The following SPATS2 variants were observed in gnomAD, a reference collection of about 807,000 sequenced individuals.
SPATS2 encodes spermatogenesis associated serine rich 2.
SPATS2 carries 38 observed loss-of-function variants against 63.7 expected under a neutral mutation model. That is an observed-to-expected ratio of 0.60 (90% confidence interval 0.46 to 0.78). The LOEUF (loss-of-function observed/expected upper bound fraction) is 0.78, where lower values mean the gene tolerates loss of function less well. Among genes scored for constraint, SPATS2 ranks in the 30% least tolerant of loss-of-function variants. The pLI is 0.00. For missense variants in SPATS2, 588 were observed against 666.2 expected (o/e 0.88, Z 1.29); for synonymous variants, 207 against 232.9 (o/e 0.89, Z 1.01).
At chr12:49,485,893 G>A (rs144506819) in intron 4 of SPATS2, among the ~76,000 whole-genome samples, 16 of 151,506 alleles carry the variant, frequency 1.1e-4, no homozygotes, top group African/African-American at 3.9e-4. Flanking sequence ...CTGAGTAGCT[G>A]GAATTACAGG....
chr12:49,381,305 A>G (rs1944216552), intron 2 of SPATS2, among the ~76,000 whole-genome samples: 2 of 152,208 alleles, frequency 1.3e-5, no homozygotes, highest in South Asian at 2.1e-4. Flanking sequence ...TACATGTAGC[A>G]TGCACTCAAT....
chr12:49,403,466 A>G (rs1009847415), intron 2 of SPATS2, among the ~76,000 whole-genome samples: 1 of 151,978 alleles, frequency 6.6e-6, no homozygotes, highest in Non-Finnish European at 1.5e-5. Context: ...CGTCTCTACT[A>G]AAAATACAAA....
In SPATS2 at chr12:49,494,610, T is replaced by C. The variant is rs1014673036; in HGVS notation, c.265-131T>C. On this transcript the variant is annotated intron_variant, in intron 6 of 13. Coordinates refer to ENST00000552918, the MANE Select transcript of SPATS2 (RefSeq NM_023071.4). ...CAATAGTTCAGCATATGTGAAAATA[T>C]TAAATTTCTGAAAGAACATACAAGA... is the stretch of plus-strand genomic sequence containing the variant. 6.5e-6 allele frequency: 6 copies of C among 923,842 alleles called. No individual in the cohort carries two copies. In the Admixed American group the frequency reaches 1.0e-4, roughly 16 times the overall value. The allele number at this position is 923,842 out of a possible 1,614,324, so 57.2% of individuals were successfully genotyped here.
intron 9 of SPATS2, among the ~76,000 whole-genome samples, chr12:49,504,770 C>CTTTTTTTTT (rs745453843): frequency 2.5e-4 from 25 of 98,844 alleles, no homozygotes; most frequent in Non-Finnish European, 3.3e-4. Flanking sequence ...TTCTTTCTTT[C>CTTTTTTTTT]TTTTTTTTTT....
At chr12:49,517,675 G>A (rs761290145) in intron 10 of SPATS2, among the ~76,000 whole-genome samples, 37 of 152,102 alleles carry the variant, frequency 2.4e-4, no homozygotes, top group African/African-American at 8.0e-4. Context: ...CAACTCCCTA[G>A]GCTCCAGTCG....
At chr12:49,522,922 C>G in intron 12 of SPATS2, 69 bp downstream of exon 12, 1 of 1,311,874 alleles carries the variant, frequency 7.6e-7, no homozygotes, top group Non-Finnish European at 1.1e-6. Flanking sequence ...TGCTGATTGT[C>G]TTCACCACTG....
chr12:49,459,749 C>CT lies in SPATS2; in HGVS notation c.-243-1021_-243-1020insT, dbSNP rs1021250308. ...TGTTTCTCATTTCACGTCCCCCCCC[C>CT]CCCCCATATTTTTTATAGCTATATT... On this transcript the variant is annotated intron_variant, in intron 2 of 13. Coordinates refer to ENST00000552918, the MANE Select transcript of SPATS2 (RefSeq NM_023071.4). Among the ~76,000 whole-genome samples, 8 of 126,932 alleles carry CT rather than the reference C, an allele frequency of 6.3e-5. 1 individual carries two copies. The highest frequency in any genetic ancestry group is 2.5e-4 in the African/African-American group (8 of 31,716). The allele number at this position is 126,932 out of a possible 152,430, so 83.3% of individuals were successfully genotyped here. A position where few individuals can be genotyped will look rare whatever the true frequency, so the allele number is the denominator to read the frequency against.
chr12:49,494,649 G>C (rs1946434731), intron 6 of SPATS2, 92 bp from the exon 7 acceptor site: 5 of 1,226,232 alleles, frequency 4.1e-6, no homozygotes, highest in Non-Finnish European at 5.5e-6. Context: ...TGGTAACATT[G>C]GTTACCTTTG....
intron 10 of SPATS2, among the ~76,000 whole-genome samples, chr12:49,518,011 C>T (rs571685494): frequency 1.2e-4 from 19 of 152,262 alleles, no homozygotes; most frequent in Middle Eastern, 3.4e-3. Context: ...ATAGCAATAC[C>T]TCCAAAGTCT....
intron 3 of SPATS2, among the ~76,000 whole-genome samples, chr12:49,468,872 A>C (rs1309231120): frequency 6.6e-6 from 1 of 152,184 alleles, no homozygotes; most frequent in Non-Finnish European, 1.5e-5. Flanking sequence ...ATGTGTTTGA[A>C]AGTAACCATA....
chr12:49,373,795 T>C (rs1380913807), intron 2 of SPATS2, among the ~76,000 whole-genome samples: 1 of 152,092 alleles, frequency 6.6e-6, no homozygotes. Flanking sequence ...CGTGGTGGCA[T>C]ACACCTGTAG....
chr12:49,518,264 G>C (rs1946883058), intron 10 of SPATS2, among the ~76,000 whole-genome samples: 1 of 152,188 alleles, frequency 6.6e-6, no homozygotes, highest in South Asian at 2.1e-4. Flanking sequence ...TTCGTTGGGT[G>C]GTTTATCTGC....
At chr12:49,484,471 T>C in intron 3 of SPATS2, 119 bp from the exon 4 acceptor site, 1 of 845,320 alleles carries the variant, frequency 1.2e-6, no homozygotes, top group South Asian at 1.8e-5. Context: ...ATTTGCCAAA[T>C]AGCAACTAAG....
At chr12:49,429,605 A>C (rs1470809799) in intron 2 of SPATS2, among the ~76,000 whole-genome samples, 1 of 150,958 alleles carries the variant, frequency 6.6e-6, no homozygotes, top group Non-Finnish European at 1.5e-5. Flanking sequence ...GCCACCACGT[A>C]CCCAGCTAAT....
rs189141318 is a variant in SPATS2, at chr12:49,503,240, C to T, written c.839+3035C>T. Reference sequence around the variant, plus strand: ...TGGCGTGCACCTGTAATCCCAGCTACTAGGGAGGCTGAAGCAGGAGAATTG... The same window carrying T: ...TGGCGTGCACCTGTAATCCCAGCTATTAGGGAGGCTGAAGCAGGAGAATTG... On this transcript the variant is annotated intron_variant, in intron 9 of 13. Coordinates refer to ENST00000552918, the MANE Select transcript of SPATS2 (RefSeq NM_023071.4). 9.3e-4 allele frequency among the ~76,000 whole-genome samples: 142 copies of T among 152,010 alleles called. 2 individuals are homozygous for T. The East Asian group carries it at 0.023, about 25-fold the overall frequency.
intron 1 of SPATS2, among the ~76,000 whole-genome samples, chr12:49,370,563 G>A (rs1250757892): frequency 6.6e-6 from 1 of 152,092 alleles, no homozygotes; most frequent in Non-Finnish European, 1.5e-5. Flanking sequence ...CACTTTCAAC[G>A]AAGTCATCTA....
chr12:49,440,505 CATCACCA>C (rs1945397981), intron 2 of SPATS2, among the ~76,000 whole-genome samples: 1 of 150,744 alleles, frequency 6.6e-6, no homozygotes, highest in Non-Finnish European at 1.5e-5. Context: ...GAGCTCACTC[CATCACCA>C]GGCTGCAGTG....
At chr12:49,393,093 C>T (rs1944447719) in intron 2 of SPATS2, among the ~76,000 whole-genome samples, 1 of 152,092 alleles carries the variant, frequency 6.6e-6, no homozygotes, top group African/African-American at 2.4e-5. Flanking sequence ...CTCACCAGTG[C>T]TTTGTCTCAC....
At chr12:49,476,318 C>A (rs1302474679) in intron 3 of SPATS2, among the ~76,000 whole-genome samples, 2 of 152,120 alleles carry the variant, frequency 1.3e-5, no homozygotes, top group South Asian at 4.1e-4. Flanking sequence ...GAGCCTGGTC[C>A]GCCTAGTGGC....
Sources: gnomAD v4.1 joint callset for allele counts (sites outside exome capture counted in the v4.1 genomes callset) on GRCh38, gnomAD v4.1.1 for gene constraint, MANE v1.5 for transcripts, NCBI Gene and HGNC (gene_info 2026-07-23, HGNC 2026-07-21) for gene names.